Variants in SAMD3 observed in about 807,000 individuals in gnomAD.
SAMD3 encodes sterile alpha motif domain containing 3, also known as sterile alpha motif domain-containing protein 3.
A neutral mutation model predicts 58.5 loss-of-function variants in SAMD3; 63 were observed. The ratio of observed to expected loss-of-function variants is 1.08; its 90% CI spans 0.88 to 1.33. The LOEUF (loss-of-function observed/expected upper bound fraction) is 1.33, where lower values mean the gene tolerates loss of function less well. SAMD3 is among the 40% of genes most tolerant of loss of function. SAMD3 has a pLI of 0.00. For synonymous variants in SAMD3, 220 were observed against 210.3 expected (o/e 1.05, Z -0.40); for missense variants, 604 against 608.4 (o/e 0.99, Z 0.08).
intron 2 of SAMD3, among the ~76,000 whole-genome samples, chr6:130,280,923 A>G (rs949802716): frequency 6.6e-6 from 1 of 152,244 alleles, no homozygotes; most frequent in African/African-American, 2.4e-5. Flanking sequence ...CTCAGGGGAT[A>G]CATTCCAAGA....
intron 2 of SAMD3, 65 bp from the exon 3 acceptor site, chr6:130,215,359 T>G: frequency 1.8e-5 from 20 of 1,107,466 alleles, no homozygotes; most frequent in Non-Finnish European, 2.5e-5. Flanking sequence ...ATTTTTTTTT[T>G]AACAGTCAGC....
intron 1 of SAMD3, among the ~76,000 whole-genome samples, chr6:130,336,758 C>A (rs1047050781): frequency 6.6e-6 from 1 of 152,146 alleles, no homozygotes; most frequent in Non-Finnish European, 1.5e-5. Context: ...TGTACCTATG[C>A]CAAAATCTGA....
chr6:130,241,271 C>T (rs1697787768), intron 2 of SAMD3, among the ~76,000 whole-genome samples: 2 of 139,662 alleles, frequency 1.4e-5, no homozygotes, highest in Non-Finnish European at 3.0e-5. Flanking sequence ...AGTGCAATGG[C>T]GCAGTCTCGG....
At chr6:130,195,361 G>T (rs186138949) in intron 5 of SAMD3, among the ~76,000 whole-genome samples, 11 of 152,266 alleles carry the variant, frequency 7.2e-5, no homozygotes, top group African/African-American at 2.4e-4. Flanking sequence ...GGGCATTAAA[G>T]CCTGTTATCA....
chr6:130,351,835 T>C (rs1430558422), intron 1 of SAMD3, among the ~76,000 whole-genome samples: 21 of 152,176 alleles, frequency 1.4e-4, no homozygotes, highest in Non-Finnish European at 1.5e-5. Flanking sequence ...AATGATAGAC[T>C]GGATTAAGAA....
intron 5 of SAMD3, among the ~76,000 whole-genome samples, chr6:130,185,952 G>A (rs966928226): frequency 6.6e-6 from 1 of 152,050 alleles, no homozygotes; most frequent in African/African-American, 2.4e-5. Context: ...TTAAATGGGT[G>A]AACTTTATGC....
chr6:130,258,054 G>T (rs1773983371), intron 2 of SAMD3, among the ~76,000 whole-genome samples: 2 of 150,450 alleles, frequency 1.3e-5, no homozygotes, highest in South Asian at 4.5e-4. Flanking sequence ...TTTAATTATT[G>T]TGAGTGTTCC....
chr6:130,211,733 A>T (rs1328705915), intron 4 of SAMD3, among the ~76,000 whole-genome samples: 2 of 152,020 alleles, frequency 1.3e-5, no homozygotes, highest in African/African-American at 4.8e-5. Flanking sequence ...ACCTGACTAC[A>T]TTGGGCACAT....
At chr6:130,350,858 G>T (rs1777634132) in intron 1 of SAMD3, among the ~76,000 whole-genome samples, 1 of 152,072 alleles carries the variant, frequency 6.6e-6, no homozygotes, top group African/African-American at 2.4e-5. Context: ...AAACAGCATG[G>T]TACTAGTACC....
At chr6:130,332,694 A>G (rs966511858) in intron 1 of SAMD3, among the ~76,000 whole-genome samples, 2 of 152,192 alleles carry the variant, frequency 1.3e-5, no homozygotes, top group African/African-American at 2.4e-5. Flanking sequence ...GAAAACTAGG[A>G]AATGAGAAAA....
At chr6:130,275,167 T>C (rs1448846245) in intron 2 of SAMD3, among the ~76,000 whole-genome samples, 1 of 152,192 alleles carries the variant, frequency 6.6e-6, no homozygotes, top group Non-Finnish European at 1.5e-5. Flanking sequence ...CCTTGTGGTG[T>C]CATTTATTTA....
chr6:130,235,996 G>A (rs533570016), intron 2 of SAMD3, among the ~76,000 whole-genome samples: 5 of 152,160 alleles, frequency 3.3e-5, no homozygotes, highest in African/African-American at 1.2e-4. Flanking sequence ...TGAACCTAGA[G>A]GTCAAACACC....
At chr6:130,143,783 T>C (rs897697018), downstream of SAMD3, 6 of 152,254 alleles carry the variant, frequency 3.9e-5, no homozygotes, top group African/African-American at 1.2e-4. Flanking sequence ...GAGAGTGCAC[T>C]GAGTCTTGTT....
At chr6:130,161,979 T>C (rs1324184150) in intron 8 of SAMD3, 1 of 317,336 alleles carries the variant, frequency 3.2e-6, no homozygotes, top group African/African-American at 2.1e-5. Flanking sequence ...TCAAAGAAAG[T>C]AGACATGAAG....
intron 8 of SAMD3, among the ~76,000 whole-genome samples, chr6:130,155,479 CAG>C (rs1789695558): frequency 1.3e-5 from 2 of 152,248 alleles, no homozygotes; most frequent in South Asian, 4.1e-4. Flanking sequence ...AAAATAATAA[CAG>C]TGGTTATTTT....
At chr6:130,317,628 G>C (rs1776426911) in intron 1 of SAMD3, among the ~76,000 whole-genome samples, 1 of 152,188 alleles carries the variant, frequency 6.6e-6, no homozygotes, top group Non-Finnish European at 1.5e-5. Flanking sequence ...AAGTAGAATG[G>C]CTGTTCTAAA....
chr6:130,192,985 G>T (rs1047143056), intron 5 of SAMD3, among the ~76,000 whole-genome samples: 1 of 151,768 alleles, frequency 6.6e-6, no homozygotes, highest in African/African-American at 2.4e-5. Flanking sequence ...TCATTTTCTG[G>T]TAGAGACAAA....
chr6:130,218,545 T>G (rs1796096975), intron 1 of SAMD3, among the ~76,000 whole-genome samples: 1 of 152,238 alleles, frequency 6.6e-6, no homozygotes. Flanking sequence ...AGACGTTTAC[T>G]GCCTAGATAG....
chr6:130,298,386 T>C, intron 2 of SAMD3, among the ~76,000 whole-genome samples: 1 of 152,160 alleles, frequency 6.6e-6, no homozygotes, highest in East Asian at 1.9e-4. Context: ...AGAAGAGATC[T>C]GCACATGGAA....
Sources: gnomAD v4.1 joint callset for allele counts (sites outside exome capture counted in the v4.1 genomes callset) on GRCh38, gnomAD v4.1.1 for gene constraint, MANE v1.5 for transcripts, NCBI Gene and HGNC (gene_info 2026-07-23, HGNC 2026-07-21) for gene names.